The following GPC5 variants were observed in gnomAD, a reference collection of about 807,000 sequenced individuals.
The protein encoded by GPC5 is glypican-5.
Under a neutral mutation model 53.9 loss-of-function variants are expected in GPC5, and 47 were observed. That is an observed-to-expected ratio of 0.87 (90% CI 0.69 to 1.11). The LOEUF (loss-of-function observed/expected upper bound fraction) is 1.11. GPC5 is among the 50% of genes most tolerant of loss of function. GPC5 has a pLI of 0.00. For missense variants in GPC5, 748 were observed against 713.1 expected (o/e 1.05, Z -0.56); for synonymous variants, 286 against 263.3 (o/e 1.09, Z -0.84).
At chr13:92,566,776 A>G (rs1035194672) in intron 7 of GPC5, among the ~76,000 whole-genome samples, 2 of 152,030 alleles carry the variant, frequency 1.3e-5, no homozygotes, top group African/African-American at 2.4e-5. Flanking sequence ...CCACCTTCCA[A>G]TTCCCAATCA....
chr13:92,663,848 CACACACACTATATA>C (rs1886458970), intron 7 of GPC5, among the ~76,000 whole-genome samples: 19 of 118,048 alleles, frequency 1.6e-4, no homozygotes, highest in South Asian at 2.4e-4. Context: ...TATATATACA[CACACACACTATATA>C]TATATATATA....
Position 91,876,427 on chromosome 13 carries a change from G to A in GPC5, c.1281-31510G>A, listed in dbSNP as rs549396918. On this transcript the variant is annotated intron_variant, in intron 5 of 7. Transcript: ENST00000377067. ...TAGCAATACAGACAGTAAAATCCAG[G>A]CTGAGGTGGTCTCAGATGAGATGAG... Among the ~76,000 whole-genome samples the A allele has an allele frequency of 3.3e-5, 5 of 152,318 alleles. No individual in the cohort carries two copies. The South Asian group carries it at 1.0e-3, about 32-fold the overall frequency.
At chr13:91,756,507 C>G in intron 5 of GPC5, 87 bp downstream of exon 5, 1 of 1,166,040 alleles carries the variant, frequency 8.6e-7, no homozygotes. Flanking sequence ...TCAGTCTTAA[C>G]TTTGTCACAC....
intron 7 of GPC5, among the ~76,000 whole-genome samples, chr13:92,667,615 G>T (rs1886619178): frequency 6.6e-6 from 1 of 152,200 alleles, no homozygotes; most frequent in South Asian, 2.1e-4. Flanking sequence ...TGCGAGAAGT[G>T]TAGGGAAGAT....
rs148061659 is a variant in GPC5 at position 91,942,098 on chromosome 13, A to G, written c.1401+34041A>G. ...TCTAACTTCCTAGCAAATTTCAAGTATACAATACCATACTGTTAACTATAG... is the reference window on the plus strand; with the variant it reads ...TCTAACTTCCTAGCAAATTTCAAGTGTACAATACCATACTGTTAACTATAG... On this transcript the variant is annotated intron_variant, in intron 6 of 7. Transcript: ENST00000377067. 3.3e-4 allele frequency among the ~76,000 whole-genome samples: 51 copies of G among 152,240 alleles called. No individual in the cohort carries two copies. In the East Asian group the frequency reaches 8.3e-3, roughly 25 times the overall value.
chr13:92,126,742 C>T (rs2041700532), intron 6 of GPC5, among the ~76,000 whole-genome samples: 1 of 151,946 alleles, frequency 6.6e-6, no homozygotes, highest in Non-Finnish European at 1.5e-5. Flanking sequence ...GAGAAAAAAA[C>T]TCATTAAAAC....
intron 7 of GPC5, among the ~76,000 whole-genome samples, chr13:92,174,193 A>G (rs1424027336): frequency 1.3e-5 from 2 of 152,042 alleles, no homozygotes; most frequent in African/African-American, 4.8e-5. Context: ...ATATGTGTCT[A>G]TGTATATTTA....
At chr13:92,059,611 T>C (rs2041105769) in intron 6 of GPC5, among the ~76,000 whole-genome samples, 1 of 152,086 alleles carries the variant, frequency 6.6e-6, no homozygotes, top group Non-Finnish European at 1.5e-5. Flanking sequence ...ATGTCATTTA[T>C]AATGACGGTA....
chr13:91,707,689 T>C (rs1282456849), intron 3 of GPC5, among the ~76,000 whole-genome samples: 1 of 152,164 alleles, frequency 6.6e-6, no homozygotes, highest in Non-Finnish European at 1.5e-5. Flanking sequence ...AAACTGAGCA[T>C]GCAAACATTG....
intron 5 of GPC5, among the ~76,000 whole-genome samples, chr13:91,768,438 TA>T (rs1298972432): frequency 1.3e-5 from 2 of 152,208 alleles, no homozygotes; most frequent in Admixed American, 6.5e-5. Context: ...TGCAATTATG[TA>T]TAAAACTGAT....
intron 6 of GPC5, among the ~76,000 whole-genome samples, chr13:92,051,183 TG>T (rs2041024320): frequency 6.7e-6 from 1 of 149,294 alleles, no homozygotes; most frequent in Non-Finnish European, 1.5e-5. Context: ...GAGGAGAGAC[TG>T]CATTTCATTT....
chr13:92,836,790 G>A (rs1252432130), intron 7 of GPC5, among the ~76,000 whole-genome samples: 1 of 152,008 alleles, frequency 6.6e-6, no homozygotes, highest in Non-Finnish European at 1.5e-5. Context: ...ATGCTCAAAT[G>A]AAAGAAATAA....
chr13:92,261,591 TAA>T (rs2042767592), intron 7 of GPC5, among the ~76,000 whole-genome samples: 1 of 152,046 alleles, frequency 6.6e-6, no homozygotes, highest in Non-Finnish European at 1.5e-5. Context: ...AAGAAATGAT[TAA>T]GAGAGAGAAT....
chr13:91,603,158 G>C lies in GPC5; in HGVS notation c.326-90029G>C, dbSNP rs964375323. Among the ~76,000 whole-genome samples, 56 of 152,190 alleles carry C rather than the reference G, an allele frequency of 3.7e-4. 2 individuals are homozygous for C. Among genetic ancestry groups the C allele is most frequent in the Non-Finnish European group, 1.3e-4 (9 of 68,026 alleles). On this transcript the variant is annotated intron_variant, in intron 2 of 7. Transcript: ENST00000377067. ...GGCCATGTATTACTGGAGCCAGAGGGCATTTCTAGTTCAGGGCAGAGTAAG... is the reference window on the plus strand; with the variant it reads ...GGCCATGTATTACTGGAGCCAGAGGCCATTTCTAGTTCAGGGCAGAGTAAG...
intron 7 of GPC5, among the ~76,000 whole-genome samples, chr13:92,148,288 T>C (rs2041882797): frequency 6.6e-6 from 1 of 152,076 alleles, no homozygotes; most frequent in Non-Finnish European, 1.5e-5. Flanking sequence ...TGATTTTCTG[T>C]GTCTGTTTTT....
chr13:92,212,989 G>T (rs2042385855), intron 7 of GPC5, among the ~76,000 whole-genome samples: 1 of 152,154 alleles, frequency 6.6e-6, no homozygotes, highest in African/African-American at 2.4e-5. Flanking sequence ...TAGTGAAAGA[G>T]TTTTCTCTTG....
chr13:92,311,209 CA>C (rs1271789158), intron 7 of GPC5, among the ~76,000 whole-genome samples: 1 of 152,008 alleles, frequency 6.6e-6, no homozygotes, highest in Non-Finnish European at 1.5e-5. Context: ...GTCCATATAG[CA>C]ATTAAAAATG....
chr13:92,802,420 G>A (rs575830018), intron 7 of GPC5, among the ~76,000 whole-genome samples: 27 of 151,426 alleles, frequency 1.8e-4, no homozygotes, highest in Non-Finnish European at 3.0e-4. Flanking sequence ...TTTATTTGTT[G>A]TTTATATATT....
intron 7 of GPC5, among the ~76,000 whole-genome samples, chr13:92,770,776 G>A (rs1875583702): frequency 6.6e-6 from 1 of 152,090 alleles, no homozygotes; most frequent in South Asian, 2.1e-4. Flanking sequence ...ATGTGTAAGG[G>A]ACTCCAGATA....
Sources: gnomAD v4.1 joint callset for allele counts (sites outside exome capture counted in the v4.1 genomes callset) on GRCh38, gnomAD v4.1.1 for gene constraint, MANE v1.5 for transcripts, NCBI Gene and HGNC (gene_info 2026-07-23, HGNC 2026-07-21) for gene names.